STAC: variants seen among roughly 807,000 people sequenced by gnomAD.
The protein encoded by STAC is SH3 and cysteine-rich domain-containing protein.
In STAC, 43 loss-of-function variants were observed where a neutral mutation model predicts 48.8. That is an observed-to-expected ratio of 0.88 (90% CI 0.69 to 1.14). The LOEUF is 1.14. Among genes scored for constraint, STAC ranks in the 50% most tolerant of loss-of-function variants. The pLI is 0.00. For synonymous variants in STAC, 193 were observed against 179.5 expected (o/e 1.07, Z -0.60); for missense variants, 497 against 504.0 (o/e 0.99, Z 0.13).
At chr3:36,458,766 T>C (rs1334827016) in intron 2 of STAC, among the ~76,000 whole-genome samples, 2 of 152,192 alleles carry the variant, frequency 1.3e-5, no homozygotes, top group Non-Finnish European at 2.9e-5. Flanking sequence ...GGATTAGAGA[T>C]GTTTGTCATG....
Position 36,517,571 on chromosome 3 carries a change from T to C in STAC, c.921-11125T>C, listed in dbSNP as rs1264497025. 3.3e-5 allele frequency among the ~76,000 whole-genome samples: 5 copies of C among 152,274 alleles called. No homozygotes were observed. In the East Asian group the frequency reaches 9.7e-4, roughly 29 times the overall value. Reference sequence around the variant, plus strand: ...CAGGAAGCTGAAGCAGAAGGATCACTTGAGCCCAGGAGGTTGAGGCTGTAG... The same window carrying C: ...CAGGAAGCTGAAGCAGAAGGATCACCTGAGCCCAGGAGGTTGAGGCTGTAG... On this transcript the variant is annotated intron_variant, in intron 8 of 10. Coordinates refer to ENST00000273183, the MANE Select transcript of STAC (RefSeq NM_003149.3).
chr3:36,478,016 G>A (rs370889302), intron 2 of STAC, among the ~76,000 whole-genome samples: 3 of 152,148 alleles, frequency 2.0e-5, no homozygotes, highest in South Asian at 2.1e-4. Flanking sequence ...TCCCAGATTC[G>A]CGTCTGAAAG....
chr3:36,522,089 A>G (rs948344200), intron 8 of STAC, among the ~76,000 whole-genome samples: 1 of 152,190 alleles, frequency 6.6e-6, no homozygotes, highest in African/African-American at 2.4e-5. Context: ...CTGTCTTTAA[A>G]AAAAAGAAAA....
chr3:36,469,911 AG>A (rs1697281840), intron 2 of STAC, among the ~76,000 whole-genome samples: 1 of 152,050 alleles, frequency 6.6e-6, no homozygotes, highest in Admixed American at 6.5e-5. Context: ...CTTGATTTTC[AG>A]AAGTTGTGAT....
chr3:36,380,541 C>G lies in STAC; in HGVS notation c.-103C>G. 1 of 927,232 alleles carries G rather than the reference C, an allele frequency of 1.1e-6. No individual in the cohort carries two copies. The highest frequency in any genetic ancestry group is 1.7e-6 in the Non-Finnish European group (1 of 596,050). 57.4% of individuals were successfully genotyped at this position (927,232 alleles called of 1,614,324 possible). On this transcript the variant is annotated 5_prime_UTR_variant, in exon 1 of 11. Coordinates refer to ENST00000273183, the MANE Select transcript of STAC (RefSeq NM_003149.3). Reference sequence around the variant, plus strand: ...GGCGCCTCGGCGAGGATGGGAGTCCCCAGGACCCGGAGCTGAGCAGCCTGG... The same window carrying G: ...GGCGCCTCGGCGAGGATGGGAGTCCGCAGGACCCGGAGCTGAGCAGCCTGG...
At chr3:36,507,215 A>C (rs1698425278) in intron 8 of STAC, among the ~76,000 whole-genome samples, 1 of 152,116 alleles carries the variant, frequency 6.6e-6, no homozygotes, top group African/African-American at 2.4e-5. Context: ...TATGTGATGG[A>C]TTATGTTTAT....
At chr3:36,397,535 C>CA (rs1003627075) in intron 1 of STAC, among the ~76,000 whole-genome samples, 1 of 151,404 alleles carries the variant, frequency 6.6e-6, no homozygotes, top group African/African-American at 2.4e-5. Context: ...TGCATGAGAC[C>CA]AAAAAAATAG....
chr3:36,526,758 GGCTCTTATGTGA>G (rs1698946289), intron 8 of STAC, among the ~76,000 whole-genome samples: 1 of 152,134 alleles, frequency 6.6e-6, no homozygotes, highest in South Asian at 2.1e-4. Context: ...GCCTAAGGAG[GGCTCTTATGTGA>G]GCATAGAAGC....
At chr3:36,489,029 T>G (rs890557255) in intron 5 of STAC, among the ~76,000 whole-genome samples, 14 of 152,150 alleles carry the variant, frequency 9.2e-5, no homozygotes, top group Admixed American at 4.6e-4. Flanking sequence ...AGTTGAAATT[T>G]TTTAAGACCC....
chr3:36,460,941 T>G (rs1015370840), intron 2 of STAC, among the ~76,000 whole-genome samples: 5 of 152,304 alleles, frequency 3.3e-5, no homozygotes, highest in Non-Finnish European at 7.4e-5. Flanking sequence ...TTCAAAAATA[T>G]GTAGTGTTTT....
rs1416616370 is a variant in STAC, at chr3:36,443,368, A to G, written c.116A>G (p.Gln39Arg). 1.2e-6 allele frequency: 2 copies of G among 1,614,206 alleles called. No homozygotes were observed. The highest frequency in any genetic ancestry group is 2.2e-5 in the East Asian group (1 of 44,878). The part of the protein sequence containing the change: ...ASTSSQESKL[Q>R]KLKRSLSFKT... ...TGTTCTGTCATTGCATTGCAGCTCC[A>G]GAAACTAAAACGATCACTTTCTTTC... The change falls in exon 2 of 11, where the codon CAG (glutamine) becomes CGG (arginine). Residue 39 changes from glutamine (Q) to arginine (R), a missense_variant. Gln to Arg is a conservative substitution (Grantham distance 43). Transcript: ENST00000273183. The surrounding 1 kb of genome is among the most constrained non-coding windows in gnomAD (Gnocchi z 4.2).
At chr3:36,486,379 C>T (rs892861933) in intron 5 of STAC, 130 bp downstream of exon 5, 2 of 685,458 alleles carry the variant, frequency 2.9e-6, no homozygotes, top group African/African-American at 1.8e-5. Context: ...AGGCACCTGC[C>T]AAAGAGAAAC....
At chr3:36,493,946 C>T (rs563795952) in intron 6 of STAC, among the ~76,000 whole-genome samples, 1 of 151,390 alleles carries the variant, frequency 6.6e-6, no homozygotes, top group Middle Eastern at 3.4e-3. Context: ...GTCAGGAGAT[C>T]GAGACCATCC....
chr3:36,519,212 C>A (rs1481979165), intron 8 of STAC, among the ~76,000 whole-genome samples: 2 of 152,214 alleles, frequency 1.3e-5, no homozygotes, highest in East Asian at 3.8e-4. Context: ...GGTGAAAATT[C>A]ATGGCAGAGG....
chr3:36,527,202 AAAG>A (rs1487976482), intron 8 of STAC, among the ~76,000 whole-genome samples: 1 of 152,240 alleles, frequency 6.6e-6, no homozygotes, highest in African/African-American at 2.4e-5. Context: ...TTGACATAAA[AAAG>A]AAGTAATAAG....
chr3:36,455,008 T>C (rs1049252963), intron 2 of STAC, among the ~76,000 whole-genome samples: 2 of 152,202 alleles, frequency 1.3e-5, no homozygotes, highest in African/African-American at 4.8e-5. Flanking sequence ...TTTCAGATCA[T>C]ACCTTAGCAG....
intron 2 of STAC, among the ~76,000 whole-genome samples, chr3:36,464,796 T>C (rs1189610440): frequency 6.6e-6 from 1 of 152,094 alleles, no homozygotes; most frequent in Admixed American, 6.6e-5. Flanking sequence ...TTTTTATGGT[T>C]GAGTAGTATT....
intron 1 of STAC, among the ~76,000 whole-genome samples, chr3:36,407,517 C>T (rs1420888271): frequency 6.6e-6 from 1 of 152,194 alleles, no homozygotes; most frequent in African/African-American, 2.4e-5. Context: ...ATGCTTTGGG[C>T]CAGCCCCAGA....
At chr3:36,416,914 T>C (rs1159131991) in intron 1 of STAC, among the ~76,000 whole-genome samples, 1 of 152,194 alleles carries the variant, frequency 6.6e-6, no homozygotes, top group Non-Finnish European at 1.5e-5. Context: ...TTACCTGGAT[T>C]CAACCACTCC....
Sources: allele counts gnomAD v4.1 joint callset (sites outside exome capture counted in the v4.1 genomes callset), GRCh38; gene constraint gnomAD v4.1.1; non-coding constraint Gnocchi (gnomAD v3.1); transcripts MANE v1.5; gene names NCBI Gene and HGNC (gene_info 2026-07-23, HGNC 2026-07-21).